The following PTPRT variants were observed in gnomAD, a reference collection of about 807,000 sequenced individuals.
PTPRT encodes receptor-type tyrosine-protein phosphatase T.
PTPRT carries 56 observed loss-of-function variants against 176.8 expected under a neutral mutation model. That is an observed-to-expected ratio of 0.32 (90% CI 0.26 to 0.40). The LOEUF (loss-of-function observed/expected upper bound fraction) is 0.40. Among genes scored for constraint, PTPRT ranks in the 10% least tolerant of loss-of-function variants. The pLI is 1.00. For missense variants in PTPRT, 1,540 were observed against 1,908.2 expected (o/e 0.81, Z 3.60); for synonymous variants, 783 against 739.0 (o/e 1.06, Z -0.96).
At chr20:42,623,258 A>T (rs1443921709) in intron 7 of PTPRT, among the ~76,000 whole-genome samples, 1 of 152,214 alleles carries the variant, frequency 6.6e-6, no homozygotes, top group Non-Finnish European at 1.5e-5. Context: ...AGCATGCTGT[A>T]ACATGCCCGC....
intron 16 of PTPRT, among the ~76,000 whole-genome samples, chr20:42,198,136 C>T (rs959285107): frequency 6.6e-6 from 1 of 152,122 alleles, no homozygotes; most frequent in Non-Finnish European, 1.5e-5. Flanking sequence ...AATCATGGGC[C>T]TGAGTTACTC....
At chr20:42,478,341 C>T (rs2071326776) in intron 7 of PTPRT, among the ~76,000 whole-genome samples, 2 of 152,146 alleles carry the variant, frequency 1.3e-5, no homozygotes, top group Admixed American at 6.5e-5. Flanking sequence ...GAACCTTCTC[C>T]ATTCTTACTG....
At chr20:42,267,553 A>G (rs1443602116) in intron 13 of PTPRT, among the ~76,000 whole-genome samples, 1 of 152,232 alleles carries the variant, frequency 6.6e-6, no homozygotes, top group Non-Finnish European at 1.5e-5. Flanking sequence ...GAGGTTTATA[A>G]CAGAGGATGA....
intron 7 of PTPRT, among the ~76,000 whole-genome samples, chr20:42,645,698 C>T (rs1393189883): frequency 2.6e-5 from 4 of 151,454 alleles, no homozygotes; most frequent in African/African-American, 7.3e-5. Flanking sequence ...AGGAAAGCCA[C>T]CCAGAGGAAA....
At chr20:42,348,008 T>C (rs1463627700) in intron 11 of PTPRT, among the ~76,000 whole-genome samples, 1 of 152,250 alleles carries the variant, frequency 6.6e-6, no homozygotes, top group East Asian at 1.9e-4. Flanking sequence ...TTCCTTACTG[T>C]ATCCCTATTG....
At chr20:42,263,985 A>G (rs2056798228) in intron 13 of PTPRT, among the ~76,000 whole-genome samples, 1 of 152,132 alleles carries the variant, frequency 6.6e-6, no homozygotes, top group African/African-American at 2.4e-5. Flanking sequence ...AAGGAGACAG[A>G]GATTCAGGAG....
chr20:42,517,915 G>A (rs1227596317), intron 7 of PTPRT, among the ~76,000 whole-genome samples: 1 of 151,882 alleles, frequency 6.6e-6, no homozygotes, highest in East Asian at 1.9e-4. Flanking sequence ...ATGTATGCTT[G>A]GAATGAATAT....
intron 7 of PTPRT, among the ~76,000 whole-genome samples, chr20:42,627,521 C>G (rs1302109774): frequency 6.6e-6 from 1 of 152,066 alleles, no homozygotes; most frequent in Non-Finnish European, 1.5e-5. Context: ...ATCTTTCTGC[C>G]TTGGCCTCCC....
At chr20:43,133,370 CA>C (rs1358597111) in intron 1 of PTPRT, among the ~76,000 whole-genome samples, 1 of 152,232 alleles carries the variant, frequency 6.6e-6, no homozygotes, top group East Asian at 1.9e-4. Context: ...CTAAGAAAGA[CA>C]AAAGGGATGA....
intron 7 of PTPRT, among the ~76,000 whole-genome samples, chr20:42,482,760 T>G (rs1418023262): frequency 3.3e-5 from 5 of 152,214 alleles, no homozygotes; most frequent in Admixed American, 3.3e-4. Context: ...TCCTGATCTT[T>G]CTTCTTCATT....
At chr20:42,620,014 G>A (rs1448840593) in intron 7 of PTPRT, among the ~76,000 whole-genome samples, 5 of 150,022 alleles carry the variant, frequency 3.3e-5, no homozygotes, top group African/African-American at 1.2e-4. Flanking sequence ...GAGGAGAGGC[G>A]CTCTGCGTTT....
At position 42,085,774 on chromosome 20, in the gene PTPRT, T is replaced by C. The variant is rs1983827996; in HGVS notation, c.3926A>G (p.Asp1309Gly). ...IQVEFVSADIDEDIIHRIFRI... is the reference protein window; with the variant it reads ...IQVEFVSADIGEDIIHRIFRI... The stretch of plus-strand genomic sequence containing the variant: ...GAATATTCTGTGGATGATGTCCTCG[T>C]CGATGTCTGCGGAGACGAACTCCAC... The change falls in exon 28 of 31, where the codon GAC becomes GGC. Residue 1309 changes from aspartate (D) to glycine (G), a missense_variant. Asp to Gly is a moderately conservative substitution (Grantham distance 94). Transcript: ENST00000373187. 1 of 1,613,876 alleles carries C rather than the reference T, an allele frequency of 6.2e-7. No homozygotes were observed. Among genetic ancestry groups the C allele is most frequent in the African/African-American group, 1.3e-5 (1 of 74,852 alleles).
chr20:42,062,160 A>G, the PTPRT span, among the ~76,000 whole-genome samples: 1 of 152,148 alleles, frequency 6.6e-6, no homozygotes, highest in Non-Finnish European at 1.5e-5. Flanking sequence ...GGCCTTAAGA[A>G]GATTGCTTGT....
chr20:42,541,965 C>T (rs111599043), intron 7 of PTPRT, among the ~76,000 whole-genome samples: 3 of 152,058 alleles, frequency 2.0e-5, no homozygotes, highest in Non-Finnish European at 4.4e-5. Context: ...TGTCATGGGA[C>T]GGACCTGATG....
Position 42,234,623 on chromosome 20 carries a change from G to A in PTPRT, c.2342+1606C>T, listed in dbSNP as rs6030077. ...TATGTAGAGGCATCTCTCAGCTAACGTTTCTAATAGGTGACGTTATGCTAG... is the reference window on the plus strand; with the variant it reads ...TATGTAGAGGCATCTCTCAGCTAACATTTCTAATAGGTGACGTTATGCTAG... On this transcript the variant is annotated intron_variant, in intron 15 of 30. Coordinates refer to ENST00000373187, the MANE Select transcript of PTPRT (RefSeq NM_007050.6). 5.8e-3 allele frequency among the ~76,000 whole-genome samples: 879 copies of A among 152,308 alleles called. 11 individuals are homozygous for A. The highest frequency in any genetic ancestry group is 0.02 in the African/African-American group (838 of 41,560).
chr20:43,132,293 G>A (rs1312360695), intron 1 of PTPRT, among the ~76,000 whole-genome samples: 1 of 152,064 alleles, frequency 6.6e-6, no homozygotes, highest in Non-Finnish European at 1.5e-5. Context: ...ATTTCAGTAG[G>A]TGGATTTTAA....
At chr20:42,496,909 A>G (rs1468442937) in intron 7 of PTPRT, among the ~76,000 whole-genome samples, 1 of 151,928 alleles carries the variant, frequency 6.6e-6, no homozygotes, top group Non-Finnish European at 1.5e-5. Flanking sequence ...GATCCTCATG[A>G]CCCCTGAATT....
intron 7 of PTPRT, among the ~76,000 whole-genome samples, chr20:42,498,239 C>T (rs774082566): frequency 2.6e-5 from 4 of 152,114 alleles, no homozygotes; most frequent in African/African-American, 9.7e-5. Flanking sequence ...GTCAACTGAA[C>T]AGACTTTCCT....
At chr20:42,898,168 T>C (rs2079336790) in intron 1 of PTPRT, among the ~76,000 whole-genome samples, 1 of 152,198 alleles carries the variant, frequency 6.6e-6, no homozygotes, top group Non-Finnish European at 1.5e-5. Flanking sequence ...CATTTCTCCA[T>C]GTGTGACAGA....
Sources: gnomAD v4.1 joint callset for allele counts (sites outside exome capture counted in the v4.1 genomes callset) on GRCh38, gnomAD v4.1.1 for gene constraint, MANE v1.5 for transcripts, NCBI Gene and HGNC (gene_info 2026-07-23, HGNC 2026-07-21) for gene names.